The following ANO4 variants were observed in gnomAD, a reference collection of about 807,000 sequenced individuals.
ANO4 encodes the protein anoctamin 4, also known as anoctamin-4.
A neutral mutation model predicts 141.9 loss-of-function variants in ANO4; 69 were observed. The ratio of observed to expected loss-of-function variants is 0.49; its 90% CI spans 0.40 to 0.59. ANO4 has a LOEUF of 0.59. Among genes scored for constraint, ANO4 ranks in the 20% least tolerant of loss-of-function variants. The probability of loss-of-function intolerance (pLI) is 0.00; values close to 1 mark genes in which losing one functional copy is unlikely to be tolerated. For missense variants in ANO4, 894 were observed against 1,162.2 expected (o/e 0.77, Z 3.36); for synonymous variants, 350 against 394.3 (o/e 0.89, Z 1.33).
rs191323919 is a variant in ANO4 at position 100,939,484 on chromosome 12, C to T, written c.297+33C>T. 2.4e-4 allele frequency: 387 copies of T among 1,606,220 alleles called. 4 individuals carry two copies. In the African/African-American group the frequency reaches 4.0e-3, roughly 16 times the overall value. On this transcript the variant is annotated intron_variant, in intron 4 of 27. Transcript: ENST00000392977. ...TATATGATTTCTTACAAATGTAATTCGTGATCCAGGCAGGAACCTGTGAAG... is the reference window on the plus strand; with the variant it reads ...TATATGATTTCTTACAAATGTAATTTGTGATCCAGGCAGGAACCTGTGAAG...
At chr12:100,864,417 C>A in intron 1 of ANO4, among the ~76,000 whole-genome samples, 1 of 152,180 alleles carries the variant, frequency 6.6e-6, no homozygotes, top group African/African-American at 2.4e-5. Flanking sequence ...CCATGTACTA[C>A]AAGCAATTAT....
intron 17 of ANO4, among the ~76,000 whole-genome samples, chr12:101,091,571 C>T (rs943422881): frequency 1.3e-5 from 2 of 152,142 alleles, no homozygotes; most frequent in Admixed American, 6.6e-5. Context: ...CCAGTGGCTT[C>T]TGAAATTACT....
chr12:101,127,007 T>G lies in ANO4; in HGVS notation c.2805T>G (p.Arg935=). The G allele has an allele frequency of 6.2e-7, 1 of 1,613,996 alleles. No homozygotes were observed. Among genetic ancestry groups the G allele is most frequent in the East Asian group, 2.2e-5 (1 of 44,864 alleles). ...TGATGTATGAAGCAGAACTGGAACG[T>G]CTCCAGAAGGAACGAAAGGAGAGGA... ...QEMMYEAELE[R]LQKERKERKK... is the part of the protein sequence containing the mutation. Residue 935 remains arginine, a synonymous_variant, in exon 27 of 28, where the codon CGT becomes CGG. Transcript: ENST00000392977.
At chr12:100,746,534 A>G (rs2032119421) in intron 3 of ANO4, among the ~76,000 whole-genome samples, 1 of 152,168 alleles carries the variant, frequency 6.6e-6, no homozygotes, top group South Asian at 2.1e-4. Flanking sequence ...GATCCCACTT[A>G]GAAGAATGAT....
chr12:100,735,788 A>G (rs533944488), intron 2 of ANO4, among the ~76,000 whole-genome samples: 1 of 152,286 alleles, frequency 6.6e-6, no homozygotes, highest in Admixed American at 6.5e-5. Context: ...GTGATAGGTT[A>G]GATGTGTTGA....
At chr12:100,971,510 ATT>A in intron 6 of ANO4, 104 bp downstream of exon 6, 1 of 735,442 alleles carries the variant, frequency 1.4e-6, no homozygotes, top group East Asian at 2.8e-5. Context: ...TTGGAAGGCC[ATT>A]AGAGGAGGGA....
At chr12:101,031,483 T>G (rs897043780) in intron 9 of ANO4, among the ~76,000 whole-genome samples, 2 of 152,178 alleles carry the variant, frequency 1.3e-5, no homozygotes, top group African/African-American at 4.8e-5. Flanking sequence ...TTATATTGAA[T>G]GGGCAAAAGC....
intron 2 of ANO4, among the ~76,000 whole-genome samples, chr12:100,902,817 A>G (rs1261374721): frequency 3.3e-5 from 5 of 152,198 alleles, no homozygotes; most frequent in African/African-American, 1.2e-4. Context: ...TTTTCAGAAG[A>G]TGAGGGGCCT....
At chr12:100,758,890 A>T (rs1341980696) in intron 3 of ANO4, among the ~76,000 whole-genome samples, 2 of 152,122 alleles carry the variant, frequency 1.3e-5, no homozygotes, top group African/African-American at 4.8e-5. Context: ...CTGTCTACAC[A>T]TGGCCTTCTC....
At chr12:100,834,636 G>C (rs909130318) in intron 1 of ANO4, among the ~76,000 whole-genome samples, 1 of 152,038 alleles carries the variant, frequency 6.6e-6, no homozygotes, top group Non-Finnish European at 1.5e-5. Context: ...CTTGTATTTT[G>C]GTGGCAAGGT....
At chr12:100,972,400 T>C (rs2043970692) in intron 6 of ANO4, among the ~76,000 whole-genome samples, 1 of 152,240 alleles carries the variant, frequency 6.6e-6, no homozygotes, top group Non-Finnish European at 1.5e-5. Context: ...TCTTATCTTC[T>C]TTGTTCATTG....
intron 25 of ANO4, among the ~76,000 whole-genome samples, chr12:101,117,255 T>C (rs2050891699): frequency 6.6e-6 from 1 of 152,146 alleles, no homozygotes; most frequent in Non-Finnish European, 1.5e-5. Flanking sequence ...TCATTTCAGG[T>C]TCCACCACAG....
chr12:100,968,315 A>G (rs561438848), intron 5 of ANO4, among the ~76,000 whole-genome samples: 2 of 152,324 alleles, frequency 1.3e-5, no homozygotes, highest in Non-Finnish European at 2.9e-5. Context: ...TTTAATGTTT[A>G]CATACATTTA....
intron 1 of ANO4, among the ~76,000 whole-genome samples, chr12:100,857,119 TC>T (rs1400214386): frequency 6.6e-6 from 1 of 152,142 alleles, no homozygotes; most frequent in East Asian, 1.9e-4. Context: ...ACTCAAATGT[TC>T]CTGAAATGCC....
chr12:101,095,797 G>T (rs1209899849), intron 18 of ANO4, among the ~76,000 whole-genome samples: 1 of 152,120 alleles, frequency 6.6e-6, no homozygotes, highest in Non-Finnish European at 1.5e-5. Context: ...AAATTCATTC[G>T]ACATGAGATC....
At chr12:101,055,470 C>CATCTT (rs1278575410) in intron 14 of ANO4, among the ~76,000 whole-genome samples, 3 of 152,216 alleles carry the variant, frequency 2.0e-5, no homozygotes, top group African/African-American at 7.2e-5. Context: ...GCAATCTGCA[C>CATCTT]ATCTTACTTG....
At chr12:101,101,630 A>G (rs2050191373) in intron 22 of ANO4, among the ~76,000 whole-genome samples, 1 of 151,998 alleles carries the variant, frequency 6.6e-6, no homozygotes, top group Non-Finnish European at 1.5e-5. Context: ...CTAAATAATA[A>G]TATGCTAGGT....
intron 1 of ANO4, among the ~76,000 whole-genome samples, chr12:100,880,756 C>A (rs537601243): frequency 4.9e-4 from 75 of 152,256 alleles, no homozygotes; most frequent in African/African-American, 1.7e-3. Flanking sequence ...ATATGCAAGA[C>A]CTCAGTAAAA....
chr12:100,785,019 C>T (rs935463792), intron 3 of ANO4, among the ~76,000 whole-genome samples: 11 of 151,794 alleles, frequency 7.2e-5, no homozygotes, highest in Admixed American at 2.0e-4. Flanking sequence ...GTATCTACTT[C>T]GTAAGACAAC....
Sources: allele counts gnomAD v4.1 joint callset (sites outside exome capture counted in the v4.1 genomes callset), GRCh38; gene constraint gnomAD v4.1.1; transcripts MANE v1.5; gene names NCBI Gene and HGNC (gene_info 2026-07-23, HGNC 2026-07-21).